The following FGF12 variants were observed in gnomAD, a reference collection of about 807,000 sequenced individuals.
FGF12 encodes fibroblast growth factor 12.
A neutral mutation model predicts 23.6 loss-of-function variants in FGF12; 14 were observed. The ratio of observed to expected loss-of-function variants is 0.59; its 90% CI spans 0.39 to 0.93. FGF12 has a LOEUF of 0.93. Ranked by LOEUF, FGF12 falls within the 40% of genes least tolerant of loss-of-function variation. FGF12 has a pLI of 0.00. For synonymous variants in FGF12, 62 were observed against 77.3 expected, an observed-to-expected ratio of 0.80 and a Z score of 1.04; for missense variants, 175 against 217.8, an observed-to-expected ratio of 0.80 and a Z score of 1.24.
intron 2 of FGF12, among the ~76,000 whole-genome samples, chr3:192,652,827 A>C (rs1248040963): frequency 1.3e-5 from 2 of 152,068 alleles, no homozygotes; most frequent in Non-Finnish European, 2.9e-5. Flanking sequence ...TTACCAACAC[A>C]CTCCTGAAAT....
At chr3:192,320,060 G>A (rs780228010) in intron 4 of FGF12, among the ~76,000 whole-genome samples, 2 of 152,102 alleles carry the variant, frequency 1.3e-5, no homozygotes, top group Non-Finnish European at 2.9e-5. Context: ...TAGAGTGCCT[G>A]CATAGATTTC....
In FGF12 at chr3:192,658,319, T is replaced by C. The variant is rs560643148; in HGVS notation, c.13+68862A>G. ...GGTCAGGTACCCAGAACTTGGCATA[T>C]CAGACTGCTGCATTGCTTCTGTAGC... On this transcript the variant is annotated intron_variant, in intron 2 of 5. Transcript: ENST00000445105. 5.3e-5 allele frequency among the ~76,000 whole-genome samples: 8 copies of C among 152,360 alleles called. No homozygotes were observed. In the South Asian group the frequency reaches 6.2e-4, roughly 12 times the overall value.
intron 2 of FGF12, among the ~76,000 whole-genome samples, chr3:192,693,635 G>A (rs1718015077): frequency 6.6e-6 from 1 of 152,060 alleles, no homozygotes; most frequent in Non-Finnish European, 1.5e-5. Context: ...TCTGAAAGGG[G>A]AAGAAAATAC....
intron 4 of FGF12, chr3:192,282,937 C>T (rs183833603): frequency 1.3e-5 from 2 of 152,014 alleles, no homozygotes; most frequent in Non-Finnish European, 2.9e-5. Context: ...GAGAGATATA[C>T]ACATAAACAG....
chr3:192,278,625 GA>G (rs1309186564), intron 4 of FGF12, among the ~76,000 whole-genome samples: 1 of 152,162 alleles, frequency 6.6e-6, no homozygotes, highest in African/African-American at 2.4e-5. Flanking sequence ...TCCAATGCAA[GA>G]GAACAGGGTA....
At chr3:192,592,658 G>T (rs922149838) in intron 2 of FGF12, among the ~76,000 whole-genome samples, 1 of 151,792 alleles carries the variant, frequency 6.6e-6, no homozygotes, top group African/African-American at 2.4e-5. Context: ...GGGCATAGTT[G>T]TCCTTGCAGA....
intron 2 of FGF12, among the ~76,000 whole-genome samples, chr3:192,615,410 T>G (rs946075822): frequency 1.3e-5 from 2 of 152,010 alleles, no homozygotes; most frequent in African/African-American, 4.8e-5. Flanking sequence ...TTGAATCATC[T>G]ACTAACAAAT....
chr3:192,259,514 T>C (rs549007201), intron 4 of FGF12, among the ~76,000 whole-genome samples: 1 of 152,266 alleles, frequency 6.6e-6, no homozygotes, highest in Non-Finnish European at 1.5e-5. Context: ...TCTAAGTGTA[T>C]GGGCAAAACG....
chr3:192,329,666 T>C (rs1468482918), intron 4 of FGF12, among the ~76,000 whole-genome samples: 2 of 152,198 alleles, frequency 1.3e-5, no homozygotes, highest in African/African-American at 4.8e-5. Flanking sequence ...CTTTAAGCAC[T>C]GTGATCATTT....
chr3:192,715,194 A>G lies in FGF12; in HGVS notation c.13+11987T>C, dbSNP rs1008199240. ...TGATTACAGTAGTCAATGTTTTTGA[A>G]ATGTAAATGAAATCATCACCTACAT... On this transcript the variant is annotated intron_variant, in intron 2 of 5. Coordinates refer to ENST00000445105, the MANE Select transcript of FGF12 (RefSeq NM_004113.6). Among the ~76,000 whole-genome samples the G allele has an allele frequency of 2.0e-5, 3 of 152,204 alleles. No homozygotes were observed. The South Asian group carries it at 6.2e-4, about 32-fold the overall frequency.
chr3:192,701,489 C>T lies in FGF12; in HGVS notation c.13+25692G>A, dbSNP rs73887679. Reference sequence around the variant, plus strand: ...ATCAACAAGCAGTAGTAACTTTAAACACCACATTAATTATTTTTCAAAGAA... The same window carrying T: ...ATCAACAAGCAGTAGTAACTTTAAATACCACATTAATTATTTTTCAAAGAA... On this transcript the variant is annotated intron_variant, in intron 2 of 5. Transcript: ENST00000445105. Among the ~76,000 whole-genome samples, 425 of 152,246 alleles carry T rather than the reference C, an allele frequency of 2.8e-3. 5 individuals are homozygous for T. The highest frequency in any genetic ancestry group is 9.9e-3 in the African/African-American group (413 of 41,542).
chr3:192,406,064 A>G (rs1720945241), intron 2 of FGF12, among the ~76,000 whole-genome samples: 1 of 151,244 alleles, frequency 6.6e-6, no homozygotes, highest in Non-Finnish European at 1.5e-5. Context: ...ACTGTGTAGA[A>G]CAAAAAGGGA....
chr3:192,148,888 A>G (rs1713879416), intron 5 of FGF12, among the ~76,000 whole-genome samples: 1 of 152,212 alleles, frequency 6.6e-6, no homozygotes, highest in Admixed American at 6.5e-5. Context: ...ATTTAGCCAT[A>G]TGTGGCCACT....
chr3:192,322,101 G>A (rs982163807), intron 4 of FGF12, among the ~76,000 whole-genome samples: 1 of 151,850 alleles, frequency 6.6e-6, no homozygotes, highest in Non-Finnish European at 1.5e-5. Flanking sequence ...AACTCTTCGA[G>A]CTGATAAACA....
At chr3:192,693,561 CAT>C (rs1718012923) in intron 2 of FGF12, among the ~76,000 whole-genome samples, 1 of 151,990 alleles carries the variant, frequency 6.6e-6, no homozygotes, top group Non-Finnish European at 1.5e-5. Flanking sequence ...AAAACCGACA[CAT>C]AGACTAATGG....
At chr3:192,572,682 AC>A (rs1237642367) in intron 2 of FGF12, among the ~76,000 whole-genome samples, 1 of 152,164 alleles carries the variant, frequency 6.6e-6, no homozygotes, top group African/African-American at 2.4e-5. Flanking sequence ...CTAAAAGTTT[AC>A]CCCTTAGACT....
chr3:192,155,202 C>G (rs575837858), intron 5 of FGF12, among the ~76,000 whole-genome samples: 11 of 151,656 alleles, frequency 7.3e-5, no homozygotes, highest in Admixed American at 5.9e-4. Context: ...CACTGACCTG[C>G]GCCCACTGTC....
intron 2 of FGF12, among the ~76,000 whole-genome samples, chr3:192,621,917 G>A (rs1560172318): frequency 6.6e-6 from 1 of 152,102 alleles, no homozygotes; most frequent in Non-Finnish European, 1.5e-5. Context: ...TTTACCCTGT[G>A]ACGAGAAGTC....
chr3:192,143,999 G>C lies in FGF12; in HGVS notation c.*10C>G, dbSNP rs750508081. 5 of 1,504,058 alleles carry C rather than the reference G, an allele frequency of 3.3e-6. No homozygotes were observed. The South Asian group carries it at 5.6e-5, about 17-fold the overall frequency. 93.2% of individuals were successfully genotyped at this position (1,504,058 alleles called of 1,614,324 possible). ...AGGGATGAGAGAGGGAAGAAGGGGAGAGTTCTCAGCTATGTTGAATCTTGA... is the reference window on the plus strand; with the variant it reads ...AGGGATGAGAGAGGGAAGAAGGGGACAGTTCTCAGCTATGTTGAATCTTGA... On this transcript the variant is annotated 3_prime_UTR_variant, in exon 6 of 6. Coordinates refer to ENST00000445105, the MANE Select transcript of FGF12 (RefSeq NM_004113.6).
Sources: gnomAD v4.1 joint callset for allele counts (sites outside exome capture counted in the v4.1 genomes callset) on GRCh38, gnomAD v4.1.1 for gene constraint, MANE v1.5 for transcripts, NCBI Gene and HGNC (gene_info 2026-07-23, HGNC 2026-07-21) for gene names.